AGBL1: variants seen among roughly 807,000 people sequenced by gnomAD.
AGBL1 encodes cytosolic carboxypeptidase 4.
Under a neutral mutation model 118.9 loss-of-function variants are expected in AGBL1, and 130 were observed. That is an observed-to-expected ratio of 1.09 (90% confidence interval 0.95 to 1.26). The LOEUF (loss-of-function observed/expected upper bound fraction) is 1.26, where lower values mean the gene tolerates loss of function less well. Among genes scored for constraint, AGBL1 ranks in the 50% most tolerant of loss-of-function variants. The pLI, the probability that AGBL1 is intolerant of heterozygous loss-of-function variation, is 0.00. For missense variants in AGBL1, 1,584 were observed against 1,298.1 expected, an observed-to-expected ratio of 1.22 and a Z score of -3.38; for synonymous variants, 555 against 478.9, an observed-to-expected ratio of 1.16 and a Z score of -2.08.
intron 19 of AGBL1, among the ~76,000 whole-genome samples, chr15:86,542,768 C>T (rs918045795): frequency 2.0e-5 from 3 of 152,136 alleles, no homozygotes; most frequent in African/African-American, 4.8e-5. Flanking sequence ...CATCAACCAT[C>T]GTATCTCGCT....
intron 5 of AGBL1, among the ~76,000 whole-genome samples, chr15:86,211,441 A>G (rs2078096366): frequency 6.6e-6 from 1 of 152,226 alleles, no homozygotes; most frequent in Admixed American, 6.5e-5. Context: ...CCCTGCCCCC[A>G]GAGCTGGGGT....
chr15:86,484,298 TG>T (rs2082688069), intron 18 of AGBL1, among the ~76,000 whole-genome samples: 1 of 152,050 alleles, frequency 6.6e-6, no homozygotes, highest in Non-Finnish European at 1.5e-5. Flanking sequence ...TTGTACACTT[TG>T]GAGGGAGTGT....
At chr15:86,800,500 A>G (rs947042313) in intron 22 of AGBL1, among the ~76,000 whole-genome samples, 2 of 152,130 alleles carry the variant, frequency 1.3e-5, no homozygotes, top group Admixed American at 6.6e-5. Flanking sequence ...TCCTTCTTCC[A>G]TAAGTCTATT....
intron 22 of AGBL1, among the ~76,000 whole-genome samples, chr15:86,781,796 T>C (rs540543526): frequency 6.6e-6 from 1 of 152,270 alleles, no homozygotes; most frequent in East Asian, 1.9e-4. Context: ...ACATGTTTTT[T>C]CCACCTCATT....
At chr15:86,177,392 G>T (rs2077495630) in intron 5 of AGBL1, among the ~76,000 whole-genome samples, 2 of 152,144 alleles carry the variant, frequency 1.3e-5, no homozygotes, top group East Asian at 3.8e-4. Flanking sequence ...AGAATAAGTA[G>T]AGAGAAAATC....
At chr15:86,741,890 A>G (rs1460788638) in intron 22 of AGBL1, among the ~76,000 whole-genome samples, 1 of 151,992 alleles carries the variant, frequency 6.6e-6, no homozygotes, top group African/African-American at 2.4e-5. Context: ...TGTCTGGTAT[A>G]TGGTAGATGT....
At chr15:86,590,461 C>T (rs2142350213) in intron 21 of AGBL1, among the ~76,000 whole-genome samples, 1 of 152,290 alleles carries the variant, frequency 6.6e-6, no homozygotes, top group East Asian at 1.9e-4. Flanking sequence ...TTTGCTTCTG[C>T]TTCAGCCATG....
intron 22 of AGBL1, among the ~76,000 whole-genome samples, chr15:86,861,768 C>G (rs2079561919): frequency 6.6e-6 from 1 of 152,208 alleles, no homozygotes; most frequent in African/African-American, 2.4e-5. Flanking sequence ...TGAGAAGAGA[C>G]TGATGTGTTT....
chr15:86,093,812 C>A (rs1464819759), intron 1 of AGBL1, among the ~76,000 whole-genome samples: 1 of 152,088 alleles, frequency 6.6e-6, no homozygotes, highest in African/African-American at 2.4e-5. Flanking sequence ...AATTGGAGTT[C>A]TGGAAGGGAA....
At chr15:86,131,318 C>T (rs1318963884) in intron 1 of AGBL1, among the ~76,000 whole-genome samples, 1 of 152,066 alleles carries the variant, frequency 6.6e-6, no homozygotes, top group Non-Finnish European at 1.5e-5. Flanking sequence ...GACATGGATA[C>T]CATCTCTTGG....
chr15:86,858,249 G>A (rs1008054392), intron 22 of AGBL1, among the ~76,000 whole-genome samples: 3 of 152,224 alleles, frequency 2.0e-5, no homozygotes, highest in Non-Finnish European at 2.9e-5. Context: ...CTCAGAAGAA[G>A]AAGCTAGAGT....
chr15:86,264,195 T>A, intron 10 of AGBL1, 63 bp from the exon 11 acceptor site: 3 of 1,316,812 alleles, frequency 2.3e-6, no homozygotes, highest in Non-Finnish European at 3.1e-6. Context: ...AGGACAGGGA[T>A]CAAATTGTAT....
At chr15:86,838,941 T>TTAAA (rs1269304671) in intron 22 of AGBL1, among the ~76,000 whole-genome samples, 53 of 48,008 alleles carry the variant, frequency 1.1e-3, no homozygotes, top group Non-Finnish European at 1.6e-3. Context: ...TGAGATCCTG[T>TTAAA]AAAAAAAAAA....
intron 1 of AGBL1, among the ~76,000 whole-genome samples, chr15:86,081,292 C>T (rs545123568): frequency 3.3e-5 from 5 of 152,264 alleles, no homozygotes; most frequent in East Asian, 1.9e-4. Context: ...TAATCCACCT[C>T]GGCCTCCCAA....
chr15:86,637,138 A>G (rs2085110610), intron 21 of AGBL1, among the ~76,000 whole-genome samples: 1 of 152,082 alleles, frequency 6.6e-6, no homozygotes, highest in Non-Finnish European at 1.5e-5. Context: ...GCCCTCATAG[A>G]GTTTGTAATC....
intron 17 of AGBL1, among the ~76,000 whole-genome samples, chr15:86,396,641 A>G (rs2081369175): frequency 6.6e-6 from 1 of 152,174 alleles, no homozygotes; most frequent in African/African-American, 2.4e-5. Context: ...AATGAGAGGG[A>G]CCATCCCACC....
chr15:86,946,074 G>A (rs1567253046), intron 23 of AGBL1: 1 of 152,112 alleles, frequency 6.6e-6, no homozygotes, highest in Non-Finnish European at 1.5e-5. Context: ...TTTAAGGTGG[G>A]GTGAGAATTA....
chr15:86,521,524 G>T (rs748645848), intron 18 of AGBL1, among the ~76,000 whole-genome samples: 1 of 152,062 alleles, frequency 6.6e-6, no homozygotes, highest in Non-Finnish European at 1.5e-5. Flanking sequence ...TCTGATCAAG[G>T]GGGCCTCAGG....
chr15:86,085,066 A>C (rs1411124224), intron 1 of AGBL1, among the ~76,000 whole-genome samples: 2 of 152,236 alleles, frequency 1.3e-5, no homozygotes, highest in South Asian at 4.1e-4. Flanking sequence ...CACTGCCTTC[A>C]TGAAAATGTG....
Sources: allele counts gnomAD v4.1 joint callset (sites outside exome capture counted in the v4.1 genomes callset), GRCh38; gene constraint gnomAD v4.1.1; transcripts MANE v1.5; gene names NCBI Gene and HGNC (gene_info 2026-07-23, HGNC 2026-07-21).